The following CFAP70 variants were observed in gnomAD, a reference collection of about 807,000 sequenced individuals.
The protein encoded by CFAP70 is cilia and flagella associated protein 70.
CFAP70 carries 81 observed loss-of-function variants against 137.6 expected under a neutral mutation model. The ratio of observed to expected loss-of-function variants is 0.59; its 90% CI spans 0.49 to 0.71. CFAP70 has a LOEUF of 0.71. Among genes scored for constraint, CFAP70 ranks in the 30% least tolerant of loss-of-function variants. CFAP70 has a pLI of 0.00. For synonymous variants in CFAP70, 382 were observed against 423.6 expected (o/e 0.90, Z 1.20); for missense variants, 976 against 1,226.7 (o/e 0.80, Z 3.05).
intron 4 of CFAP70, 80 bp from the exon 6 acceptor site, chr10:73,345,324 T>C (rs2053614500): frequency 4.0e-6 from 5 of 1,245,178 alleles, no homozygotes; most frequent in Non-Finnish European, 4.6e-6. Context: ...TTGAATCTCA[T>C]ATTACTGTTC....
chr10:73,350,361 T>C (rs916490833), intron 3 of CFAP70, among the ~76,000 whole-genome samples: 1 of 152,206 alleles, frequency 6.6e-6, no homozygotes, highest in African/African-American at 2.4e-5. Flanking sequence ...CAGATGAAAA[T>C]AGCATCTAAA....
upstream of CFAP70, among the ~76,000 whole-genome samples, chr10:73,359,734 G>A (rs1347999258): frequency 6.6e-6 from 1 of 152,096 alleles, no homozygotes; most frequent in East Asian, 1.9e-4. Flanking sequence ...TGTTCTATGA[G>A]GCATAGAATA....
At chr10:73,261,001 T>C (rs2045113538) in intron 25 of CFAP70, among the ~76,000 whole-genome samples, 1 of 152,236 alleles carries the variant, frequency 6.6e-6, no homozygotes, top group African/African-American at 2.4e-5. Context: ...ATGGTAAATA[T>C]GTGTAACTTT....
At chr10:73,316,927 C>G (rs1020330545) in intron 9 of CFAP70, among the ~76,000 whole-genome samples, 1 of 152,194 alleles carries the variant, frequency 6.6e-6, no homozygotes, top group Non-Finnish European at 1.5e-5. Context: ...CATTTCCTTT[C>G]AAGCTGAAAG....
rs145830698 is a variant in CFAP70 at position 73,254,133 on chromosome 10, G to A, written c.3076-78C>T. ...ATGTGGCTTTGAAGACCCCTCTTTT[G>A]TGGGGCTACGGCTAAAGAACATAGT... On this transcript the variant is annotated intron_variant, in intron 26 of 26. Transcript: ENST00000310715. 7,099 of 1,181,884 alleles carry A rather than the reference G, an allele frequency of 6.0e-3. 22 individuals are homozygous for A. Among genetic ancestry groups the A allele is most frequent in the Non-Finnish European group, 7.1e-3 (5,932 of 839,438 alleles). 73.2% of individuals were successfully genotyped at this position (1,181,884 alleles called of 1,614,324 possible).
chr10:73,288,513 C>G (rs987300536), intron 19 of CFAP70, among the ~76,000 whole-genome samples: 2 of 152,146 alleles, frequency 1.3e-5, no homozygotes, highest in Non-Finnish European at 2.9e-5. Context: ...CTATGAGAGG[C>G]CCAGTCACAG....
chr10:73,302,424 T>G (rs1273865591), intron 12 of CFAP70, among the ~76,000 whole-genome samples: 1 of 152,146 alleles, frequency 6.6e-6, no homozygotes, highest in East Asian at 1.9e-4. Flanking sequence ...GATTTAACAG[T>G]GTGGTGGTCA....
chr10:73,254,061 T>G lies in CFAP70; in HGVS notation c.3076-6A>C. ...GCCTCATCTTTCAATTTCAGCTACA[T>G]GAAAGAGGAAGAAAGGGAAAGATAT... On this transcript the variant is annotated splice_polypyrimidine_tract_variant and splice_region_variant and intron_variant, in intron 26 of 26. Coordinates refer to ENST00000310715, the Ensembl canonical transcript of CFAP70. 6.3e-7 allele frequency: 1 copy of G among 1,587,134 alleles called. No homozygotes were observed. The highest frequency in any genetic ancestry group is 2.2e-5 in the East Asian group (1 of 44,446).
chr10:73,359,655 C>A (rs1173931171), upstream of CFAP70, among the ~76,000 whole-genome samples: 2 of 152,102 alleles, frequency 1.3e-5, no homozygotes, highest in African/African-American at 2.4e-5. Context: ...AGAGAACTAC[C>A]ATTTGACAAC....
At chr10:73,326,873 A>C (rs559624826) in intron 8 of CFAP70, among the ~76,000 whole-genome samples, 119 of 151,846 alleles carry the variant, frequency 7.8e-4, no homozygotes, top group Middle Eastern at 3.4e-3. Flanking sequence ...AGAGTCCAGG[A>C]CCAGATGGAT....
chr10:73,325,976 A>T (rs1416034191), intron 8 of CFAP70, among the ~76,000 whole-genome samples: 1 of 152,186 alleles, frequency 6.6e-6, no homozygotes, highest in African/African-American at 2.4e-5. Flanking sequence ...TCAGCTCTGC[A>T]CCAAGTAGAC....
chr10:73,269,918 C>G (rs572990079), intron 24 of CFAP70, among the ~76,000 whole-genome samples: 2 of 152,168 alleles, frequency 1.3e-5, no homozygotes, highest in Admixed American at 1.3e-4. Context: ...AAAGCCAGGT[C>G]GGGGATTCTG....
At chr10:73,334,860 G>A (rs1025597349) in intron 7 of CFAP70, among the ~76,000 whole-genome samples, 1 of 149,992 alleles carries the variant, frequency 6.7e-6, no homozygotes, top group African/African-American at 2.5e-5. Flanking sequence ...TTACAGTTGT[G>A]AGCCATTGCA....
At chr10:73,341,731 C>T in intron 5 of CFAP70, 150 bp from the exon 7 acceptor site, 1 of 650,466 alleles carries the variant, frequency 1.5e-6, no homozygotes, top group East Asian at 2.8e-5. Flanking sequence ...GGCCTGTGCC[C>T]TTCATTCCCT....
At chr10:73,312,900 A>G (rs78343933) in intron 9 of CFAP70, among the ~76,000 whole-genome samples, 6,942 of 152,260 alleles carry the variant, frequency 0.046, 482 homozygotes, top group African/African-American at 0.15. Flanking sequence ...CTGGGATCTC[A>G]TAACTCTTGT....
chr10:73,353,053 T>C (rs887511412), intron 3 of CFAP70, among the ~76,000 whole-genome samples: 1 of 152,254 alleles, frequency 6.6e-6, no homozygotes, highest in Non-Finnish European at 1.5e-5. Context: ...ATGTGGCCAA[T>C]TGCTATCATA....
In CFAP70 at chr10:73,340,231, G is replaced by A. The variant is rs866860086; in HGVS notation, c.582+1168C>T. Reference sequence around the variant, plus strand: ...GCTCTCAGCAGACAGGATACCCACAGTGGGTAGCTCCTCTCTACAGGCAGG... The same window carrying A: ...GCTCTCAGCAGACAGGATACCCACAATGGGTAGCTCCTCTCTACAGGCAGG... On this transcript the variant is annotated intron_variant, in intron 6 of 26. Transcript: ENST00000310715. Among the ~76,000 whole-genome samples the A allele has an allele frequency of 2.6e-5, 4 of 152,092 alleles. No individual in the cohort carries two copies. The South Asian group carries it at 8.3e-4, about 32-fold the overall frequency.
intron 12 of CFAP70, among the ~76,000 whole-genome samples, chr10:73,301,991 TAAAA>T (rs1018551250): frequency 1.3e-5 from 2 of 151,544 alleles, no homozygotes; most frequent in Non-Finnish European, 2.9e-5. Context: ...CATTAGAAAA[TAAAA>T]AAGAAGAAAT....
At chr10:73,274,293 T>C in intron 23 of CFAP70, 140 bp downstream of exon 24, 2 of 959,628 alleles carry the variant, frequency 2.1e-6, no homozygotes, top group Non-Finnish European at 3.0e-6. Flanking sequence ...GGTTGTCTGA[T>C]GTTGGGCAAG....
Sources: gnomAD v4.1 joint callset for allele counts (sites outside exome capture counted in the v4.1 genomes callset) on GRCh38, gnomAD v4.1.1 for gene constraint, MANE v1.5 for transcripts, NCBI Gene and HGNC (gene_info 2026-07-23, HGNC 2026-07-21) for gene names.